The following TUBG2 variants were observed in gnomAD, a reference collection of about 807,000 sequenced individuals.
TUBG2 encodes the protein tubulin gamma-2 chain.
A neutral mutation model predicts 55.1 loss-of-function variants in TUBG2; 39 were observed. That is an observed-to-expected ratio of 0.71 (90% CI 0.55 to 0.93). The LOEUF is 0.93. Among genes scored for constraint, TUBG2 ranks in the 40% least tolerant of loss-of-function variants. The probability of loss-of-function intolerance (pLI) is 0.00; values close to 1 mark genes in which losing one functional copy is unlikely to be tolerated. For missense variants in TUBG2, 358 were observed against 599.1 expected, an observed-to-expected ratio of 0.60 and a Z score of 4.20; for synonymous variants, 223 against 241.0, an observed-to-expected ratio of 0.93 and a Z score of 0.69.
rs375697834 is a variant in TUBG2, at chr17:42,659,975, C to T, written c.162+29C>T. On this transcript the variant is annotated intron_variant, in intron 2 of 10. Transcript: ENST00000251412. Reference sequence around the variant, plus strand: ...CCCCCAGCGACTTGGCCGGGGGCGGCAGTGGCCCAAGGGGGCGGAAGGGAA... The same window carrying T: ...CCCCCAGCGACTTGGCCGGGGGCGGTAGTGGCCCAAGGGGGCGGAAGGGAA... 385 of 1,573,602 alleles carry T rather than the reference C, an allele frequency of 2.4e-4. 2 individuals carry two copies. The highest frequency in any genetic ancestry group is 3.2e-4 in the Non-Finnish European group (368 of 1,148,290).
At chr17:42,662,891 G>A (rs1388195477) in intron 4 of TUBG2, 82 bp from the exon 5 acceptor site, 3 of 1,382,608 alleles carry the variant, frequency 2.2e-6, no homozygotes, top group Non-Finnish European at 3.0e-6. Context: ...TGTGTGGTAA[G>A]ACCCCACCCA....
chr17:42,660,807 C>A, intron 4 of TUBG2, 100 bp downstream of exon 4: 3 of 925,204 alleles, frequency 3.2e-6, no homozygotes, highest in Non-Finnish European at 5.2e-6. Context: ...GGGAGCAATT[C>A]AATTCAAAAC....
At chr17:42,665,619 T>C in intron 7 of TUBG2, 57 bp downstream of exon 7, 1 of 1,614,096 alleles carries the variant, frequency 6.2e-7, no homozygotes, top group Non-Finnish European at 8.5e-7. Context: ...TGGAGGGTCA[T>C]CTGGGGAAGG....
chr17:42,660,403 C>T (rs2052355768), intron 3 of TUBG2, 87 bp downstream of exon 3: 1 of 1,582,576 alleles, frequency 6.3e-7, no homozygotes. Context: ...ACCTGACTGA[C>T]AGAAAATAAG....
chr17:42,665,866 T>G, intron 8 of TUBG2, 39 bp downstream of exon 8: 1 of 1,613,308 alleles, frequency 6.2e-7, no homozygotes, highest in Non-Finnish European at 8.5e-7. Context: ...AGGCTGGCCC[T>G]GGGCCCAGCA....
chr17:42,661,698 A>G (rs1389132907), intron 4 of TUBG2, among the ~76,000 whole-genome samples: 1 of 152,218 alleles, frequency 6.6e-6, no homozygotes, highest in Non-Finnish European at 1.5e-5. Context: ...TCCCCTCGGT[A>G]TCTCTTCATC....
At chr17:42,665,212 T>A (rs924747945) in intron 6 of TUBG2, among the ~76,000 whole-genome samples, 4 of 152,014 alleles carry the variant, frequency 2.6e-5, no homozygotes, top group African/African-American at 9.7e-5. Context: ...CATGCCTGGC[T>A]AATTTTTTGT....
chr17:42,660,811 T>A, intron 4 of TUBG2, 104 bp downstream of exon 4: 1 of 895,156 alleles, frequency 1.1e-6, no homozygotes, highest in Non-Finnish European at 1.8e-6. Flanking sequence ...GCAATTCAAT[T>A]CAAAACCCGT....
intron 6 of TUBG2, among the ~76,000 whole-genome samples, chr17:42,663,741 C>T (rs1221494239): frequency 1.3e-5 from 2 of 151,990 alleles, no homozygotes; most frequent in African/African-American, 2.4e-5. Context: ...GTTGGGAGTT[C>T]GAGACCAGCC....
intron 4 of TUBG2, among the ~76,000 whole-genome samples, chr17:42,662,159 T>A (rs1259557044): frequency 6.6e-6 from 1 of 151,312 alleles, no homozygotes; most frequent in Non-Finnish European, 1.5e-5. Flanking sequence ...ACAAACATTA[T>A]CCAGGCATGG....
At chr17:42,660,409 A>G in intron 3 of TUBG2, 93 bp downstream of exon 3, 1 of 1,575,478 alleles carries the variant, frequency 6.3e-7, no homozygotes, top group Non-Finnish European at 8.7e-7. Context: ...CTGACAGAAA[A>G]TAAGAGACAA....
chr17:42,665,787 TC>T lies in TUBG2; in HGVS notation c.805del (p.Leu269SerfsTer2), dbSNP rs1208139395. 1 of 1,613,950 alleles carries T rather than the reference TC, an allele frequency of 6.2e-7. No individual in the cohort carries two copies. Among genetic ancestry groups the T allele is most frequent in the East Asian group, 2.2e-5 (1 of 44,886 alleles). On this transcript the variant is annotated frameshift_variant, in exon 8 of 11. Coordinates refer to ENST00000251412, the MANE Select transcript of TUBG2 (RefSeq NM_016437.3). LOFTEE classifies it high-confidence loss of function. ...ASLIPTPRLH[F>X]LMTGYTPLTT... ...CTCATTCCCACCCCACGGCTCCACT[TC>T]CTCATGACCGGCTACACCCCGCTCA...
At chr17:42,664,703 C>T (rs1426111291) in intron 6 of TUBG2, among the ~76,000 whole-genome samples, 2 of 151,866 alleles carry the variant, frequency 1.3e-5, no homozygotes, top group Non-Finnish European at 2.9e-5. Context: ...AAGACGGTGC[C>T]TGTTCCTCTC....
chr17:42,663,225 A>AG (rs747507524), intron 5 of TUBG2, 152 bp from the exon 6 acceptor site: 22 of 1,306,226 alleles, frequency 1.7e-5, no homozygotes, highest in Non-Finnish European at 2.3e-5. Flanking sequence ...TGTGGAGGGG[A>AG]GGGGATCTAC....
rs1412509895 is a variant in TUBG2, at chr17:42,659,664, C to T, written c.49+112C>T. On this transcript the variant is annotated intron_variant, in intron 1 of 10. Transcript: ENST00000251412. ...TCCCTTCCATGAACCCCCTGCCCTG[C>T]TGCTCTGGATAACCCAGACCGAGAG... 1.1e-5 allele frequency: 15 copies of T among 1,384,534 alleles called. No individual in the cohort carries two copies. In the East Asian group the frequency reaches 3.7e-4, roughly 35 times the overall value. 85.8% of individuals were successfully genotyped at this position (1,384,534 alleles called of 1,614,324 possible). A position where few individuals can be genotyped will look rare whatever the true frequency, so the allele number is the denominator to read the frequency against.
At chr17:42,660,431 G>T (rs141433590) in intron 3 of TUBG2, 115 bp downstream of exon 3, 1 of 1,519,534 alleles carries the variant, frequency 6.6e-7, no homozygotes, top group African/African-American at 1.4e-5. Context: ...AGGATGTCCC[G>T]AACAAGAGGG....
intron 3 of TUBG2, 74 bp from the exon 4 acceptor site, chr17:42,660,565 T>A: frequency 1.4e-6 from 2 of 1,451,156 alleles, no homozygotes; most frequent in East Asian, 4.5e-5. Context: ...TAGACAGAAT[T>A]CTTGGTGCTG....
chr17:42,660,607 G>C, intron 3 of TUBG2, 32 bp from the exon 4 acceptor site: 1 of 1,599,754 alleles, frequency 6.3e-7, no homozygotes, highest in Non-Finnish European at 8.6e-7. Context: ...GGAACCTTTG[G>C]CCTGACCCTC....
chr17:42,666,992 T>C lies in TUBG2; in HGVS notation c.*192T>C. On this transcript the variant is annotated 3_prime_UTR_variant, in exon 11 of 11. Transcript: ENST00000251412. ...TTCAGCTCTAATAAAGTAATAAAGC[T>C]TGGTTGTCAGTATAGCCAGGGCTTG... 1.6e-6 allele frequency: 1 copy of C among 612,624 alleles called. No individual in the cohort carries two copies. Among genetic ancestry groups the C allele is most frequent in the Middle Eastern group, 4.5e-4 (1 of 2,240 alleles). 37.9% of individuals were successfully genotyped at this position (612,624 alleles called of 1,614,324 possible). A position where few individuals can be genotyped will look rare whatever the true frequency, so the allele number is the denominator to read the frequency against.
Sources: gnomAD v4.1 joint callset for allele counts (sites outside exome capture counted in the v4.1 genomes callset) on GRCh38, gnomAD v4.1.1 for gene constraint, MANE v1.5 for transcripts, NCBI Gene and HGNC (gene_info 2026-07-23, HGNC 2026-07-21) for gene names.